The following PATJ variants were observed in gnomAD, a reference collection of about 807,000 sequenced individuals.
PATJ encodes PATJ crumbs cell polarity complex component.
In PATJ, 190 loss-of-function variants were observed where a neutral mutation model predicts 224.9. The observed-to-expected ratio is 0.84, with a 90% CI of 0.75 to 0.95. The LOEUF is 0.95. Among genes scored for constraint, PATJ ranks in the 40% least tolerant of loss-of-function variants. The pLI is 0.00. For synonymous variants in PATJ, 769 were observed against 820.3 expected (o/e 0.94, Z 1.07); for missense variants, 2,121 against 2,270.3 (o/e 0.93, Z 1.34).
rs1022169004 is a variant in PATJ, at chr1:61,811,997, C to T, written c.1683+3467C>T. Reference sequence around the variant, plus strand: ...AATGGCGTGAACCCGGGAGGCGGAGCTTGCAGTGAGCCGAGATCACGCCAC... The same window carrying T: ...AATGGCGTGAACCCGGGAGGCGGAGTTTGCAGTGAGCCGAGATCACGCCAC... On this transcript the variant is annotated intron_variant, in intron 14 of 43. Coordinates refer to ENST00000642238, the MANE Select transcript of PATJ (RefSeq NM_001350145.3). Among the ~76,000 whole-genome samples, 3 of 151,436 alleles carry T rather than the reference C, an allele frequency of 2.0e-5. No homozygotes were observed. The East Asian group carries it at 5.9e-4, about 30-fold the overall frequency.
intron 27 of PATJ, among the ~76,000 whole-genome samples, chr1:61,951,014 G>C (rs1479770923): frequency 6.6e-6 from 1 of 152,088 alleles, no homozygotes; most frequent in Non-Finnish European, 1.5e-5. Context: ...GGGCCTGGTG[G>C]CACATGCCTG....
At chr1:62,070,892 T>A (rs1445905408) in intron 31 of PATJ, among the ~76,000 whole-genome samples, 1 of 152,098 alleles carries the variant, frequency 6.6e-6, no homozygotes, top group Non-Finnish European at 1.5e-5. Context: ...TGTAAACCAA[T>A]GGGGAATTAA....
At chr1:62,116,803 A>C in intron 36 of PATJ, 124 bp downstream of exon 36, 1 of 903,164 alleles carries the variant, frequency 1.1e-6, no homozygotes, top group Non-Finnish European at 1.6e-6. Context: ...CTAGAAATTT[A>C]ATCTCTGATT....
At chr1:62,152,870 G>A (rs921587425) in intron 42 of PATJ, among the ~76,000 whole-genome samples, 1 of 151,662 alleles carries the variant, frequency 6.6e-6, no homozygotes, top group Non-Finnish European at 1.5e-5. Context: ...CGGGTGCAGT[G>A]GCTCATGCCT....
chr1:61,808,366 G>C, intron 13 of PATJ, 108 bp from the exon 14 acceptor site: 1 of 691,516 alleles, frequency 1.4e-6, no homozygotes, highest in Middle Eastern at 2.7e-4. Flanking sequence ...TCGGAATGTA[G>C]GTCAAATAGA....
chr1:61,927,586 G>A (rs1481257768), intron 26 of PATJ, 144 bp from the exon 27 acceptor site: 36 of 563,548 alleles, frequency 6.4e-5, no homozygotes, highest in Non-Finnish European at 1.0e-4. Context: ...ATAATACATT[G>A]TGTTTGTTTT....
rs1286066574 is a variant in PATJ, at chr1:61,775,321, G to C, written c.836G>C (p.Gly279Ala). Residue 279 changes from glycine (G) to alanine (A), a missense_variant, in exon 7 of 44, where the codon GGA (glycine) becomes GCA (alanine). Physicochemically the swap from Gly to Ala is moderately conservative, Grantham distance 60 (BLOSUM62 0). Transcript: ENST00000642238. ...GVVVRTIVPG[G>A]LADRDGRLQT... ...GTTGTGAGGACTATAGTTCCTGGAGGATTAGCAGATCGAGTAAGTCAACCT... is the reference window on the plus strand; with the variant it reads ...GTTGTGAGGACTATAGTTCCTGGAGCATTAGCAGATCGAGTAAGTCAACCT... 1 of 1,609,088 alleles carries C rather than the reference G, an allele frequency of 6.2e-7. No homozygotes were observed. The highest frequency in any genetic ancestry group is 1.3e-5 in the African/African-American group (1 of 74,638).
At chr1:62,078,387 A>G (rs1487808370) in intron 31 of PATJ, among the ~76,000 whole-genome samples, 1 of 152,084 alleles carries the variant, frequency 6.6e-6, no homozygotes, top group Non-Finnish European at 1.5e-5. Context: ...GGTTCAAGCA[A>G]TTCTCCTGCC....
chr1:61,871,502 C>CAT lies in PATJ; in HGVS notation c.2836-3735_2836-3734dup, dbSNP rs1228177574. Among the ~76,000 whole-genome samples the CAT allele has an allele frequency of 5.8e-3, 161 of 27,702 alleles. 3 individuals carry two copies. The highest frequency in any genetic ancestry group is 0.016 in the African/African-American group (138 of 8,604). 18.2% of individuals were successfully genotyped at this position (27,702 alleles called of 152,430 possible). Reference sequence around the variant, plus strand: ...ATATATGTGTATATATGTATATATACATATATACGCATATATATAAATATG... The same window carrying CAT: ...ATATATGTGTATATATGTATATATACATATATATACGCATATATATAAATATG... On this transcript the variant is annotated intron_variant, in intron 20 of 43. Transcript: ENST00000642238.
In PATJ at chr1:62,038,108, C is replaced by G. The variant is rs544455547; in HGVS notation, c.4032+59C>G. 4.3e-4 allele frequency: 461 copies of G among 1,060,352 alleles called. 2 individuals carry two copies. In the African/African-American group the frequency reaches 6.6e-3, roughly 15 times the overall value. 65.7% of individuals were successfully genotyped at this position (1,060,352 alleles called of 1,614,324 possible). A position where few individuals can be genotyped will look rare whatever the true frequency, so the allele number is the denominator to read the frequency against. ...AGATGGATTTGTCATGAGCATTTTC[C>G]CCCAATCTGACATTTTTGATATTCA... On this transcript the variant is annotated intron_variant, in intron 30 of 43. Coordinates refer to ENST00000642238, the MANE Select transcript of PATJ (RefSeq NM_001350145.3).
chr1:61,827,069 G>C (rs982189804), intron 15 of PATJ, among the ~76,000 whole-genome samples: 2 of 152,188 alleles, frequency 1.3e-5, no homozygotes, highest in African/African-American at 4.8e-5. Flanking sequence ...AAGGGGAGCT[G>C]AGTAGAGGTA....
intron 30 of PATJ, among the ~76,000 whole-genome samples, chr1:62,042,309 A>G (rs1356463871): frequency 6.6e-6 from 1 of 152,158 alleles, no homozygotes; most frequent in Non-Finnish European, 1.5e-5. Context: ...GGCTGTGGTA[A>G]CTGCTACCAA....
At chr1:62,154,662 AAG>A (rs1491465253) in intron 43 of PATJ, among the ~76,000 whole-genome samples, 3,303 of 151,052 alleles carry the variant, frequency 0.022, 71 homozygotes, top group South Asian at 0.12. Context: ...AAAAAAAAAA[AAG>A]AAAAGAGAGA....
chr1:61,814,234 G>A (rs1183557521), intron 14 of PATJ, among the ~76,000 whole-genome samples: 1 of 142,786 alleles, frequency 7.0e-6, no homozygotes, highest in Non-Finnish European at 1.5e-5. Flanking sequence ...ACCTCCGCCT[G>A]CTGGGTTCAA....
At chr1:61,952,467 T>A in intron 27 of PATJ, 1 of 716,560 alleles carries the variant, frequency 1.4e-6, no homozygotes. Flanking sequence ...AATCTGATGC[T>A]GTTTTAGTGT....
At chr1:62,027,451 CCTG>C (rs1198675001) in intron 29 of PATJ, among the ~76,000 whole-genome samples, 2 of 151,970 alleles carry the variant, frequency 1.3e-5, no homozygotes, top group Admixed American at 6.6e-5. Context: ...TCTTCCAGAC[CCTG>C]CTTTCAATTC....
At chr1:62,058,695 G>T (rs1478043405) in intron 31 of PATJ, among the ~76,000 whole-genome samples, 1 of 152,180 alleles carries the variant, frequency 6.6e-6, no homozygotes, top group Non-Finnish European at 1.5e-5. Context: ...ATTAATACCA[G>T]ATTTTGCCTA....
intron 31 of PATJ, among the ~76,000 whole-genome samples, chr1:62,060,906 G>C (rs1655315401): frequency 6.6e-6 from 1 of 152,118 alleles, no homozygotes; most frequent in African/African-American, 2.4e-5. Flanking sequence ...TGGCCAGGCT[G>C]GTCTCCAACT....
chr1:61,797,371 C>A lies in PATJ; in HGVS notation c.1345C>A (p.Leu449Ile). The change falls in exon 11 of 44, where the codon CTA (leucine) becomes ATA (isoleucine). Residue 449 changes from leucine (L) to isoleucine (I), a missense_variant. Leu to Ile is a conservative substitution (Grantham distance 5, BLOSUM62 2). Coordinates refer to ENST00000642238, the MANE Select transcript of PATJ (RefSeq NM_001350145.3). The stretch of plus-strand genomic sequence containing the variant: ...TGCAGGGCAGGTGGTACACCTAACC[C>A]TAGTTCGAAGGAAGACATCCTCATC... ...RNAGQVVHLT[L>I]VRRKTSSSTS... The A allele has an allele frequency of 6.2e-7, 1 of 1,613,918 alleles. No individual in the cohort carries two copies. The highest frequency in any genetic ancestry group is 8.5e-7 in the Non-Finnish European group (1 of 1,179,828).
Sources: gnomAD v4.1 joint callset for allele counts (sites outside exome capture counted in the v4.1 genomes callset) on GRCh38, gnomAD v4.1.1 for gene constraint, MANE v1.5 for transcripts, NCBI Gene and HGNC (gene_info 2026-07-23, HGNC 2026-07-21) for gene names.